Variants in SORCS1 observed in about 807,000 individuals in gnomAD.
SORCS1 encodes the protein VPS10 domain-containing receptor SorCS1.
Under a neutral mutation model 146.1 loss-of-function variants are expected in SORCS1, and 60 were observed. The ratio of observed to expected loss-of-function variants is 0.41; its 90% CI spans 0.33 to 0.51. The LOEUF (loss-of-function observed/expected upper bound fraction) is 0.51. SORCS1 is among the 20% of genes least tolerant of loss of function. The pLI is 0.21. For missense variants in SORCS1, 1,352 were observed against 1,487.6 expected, an observed-to-expected ratio of 0.91 and a Z score of 1.50; for synonymous variants, 637 against 584.0, an observed-to-expected ratio of 1.09 and a Z score of -1.31.
chr10:107,009,508 A>G (rs1179210853), intron 1 of SORCS1, among the ~76,000 whole-genome samples: 1 of 152,250 alleles, frequency 6.6e-6, no homozygotes, highest in Non-Finnish European at 1.5e-5. Context: ...AAAATAGAAT[A>G]TAGTTTTTAG....
At chr10:106,641,982 A>G (rs1262020759) in intron 18 of SORCS1, among the ~76,000 whole-genome samples, 1 of 152,224 alleles carries the variant, frequency 6.6e-6, no homozygotes, top group Non-Finnish European at 1.5e-5. Flanking sequence ...AGTACATGAT[A>G]TAAAATTGGC....
intron 2 of SORCS1, among the ~76,000 whole-genome samples, chr10:106,872,509 A>G (rs747554773): frequency 3.3e-5 from 5 of 152,222 alleles, no homozygotes; most frequent in Non-Finnish European, 7.3e-5. Context: ...TGACTTTACT[A>G]AGGTTTTAAT....
intron 24 of SORCS1, among the ~76,000 whole-genome samples, chr10:106,591,293 A>C (rs1159929981): frequency 6.6e-6 from 1 of 152,174 alleles, no homozygotes; most frequent in East Asian, 1.9e-4. Flanking sequence ...GTTTTCTTTC[A>C]ACTGCCCATT....
chr10:106,897,036 G>A (rs1013356095), intron 2 of SORCS1, among the ~76,000 whole-genome samples: 1 of 151,494 alleles, frequency 6.6e-6, no homozygotes, highest in African/African-American at 2.4e-5. Context: ...GACTACAGGC[G>A]CCTGCCACCG....
At chr10:106,619,324 T>C (rs540617538) in intron 20 of SORCS1, among the ~76,000 whole-genome samples, 1 of 152,290 alleles carries the variant, frequency 6.6e-6, no homozygotes, top group East Asian at 1.9e-4. Flanking sequence ...TTCAGTTTAG[T>C]TATGGTTGCA....
chr10:106,623,885 T>C (rs1188437165), intron 19 of SORCS1, among the ~76,000 whole-genome samples: 1 of 152,036 alleles, frequency 6.6e-6, no homozygotes, highest in South Asian at 2.1e-4. Context: ...ACTTTCACCA[T>C]GTTGGCCAGG....
chr10:107,165,972 G>GT (rs1304804435), upstream of SORCS1, among the ~76,000 whole-genome samples: 2 of 152,184 alleles, frequency 1.3e-5, no homozygotes, highest in African/African-American at 4.8e-5. The surrounding 1 kb of genome is among the most constrained non-coding windows in gnomAD (Gnocchi z 4.0). Context: ...TTTATAGCAG[G>GT]TGAATGGGCT....
chr10:106,591,929 T>G (rs778779305), intron 24 of SORCS1, among the ~76,000 whole-genome samples: 9 of 152,186 alleles, frequency 5.9e-5, no homozygotes, highest in Non-Finnish European at 4.4e-5. Context: ...TACACTTTGG[T>G]CAAGACAGCA....
At chr10:106,588,988 T>A (rs1411698917) in intron 24 of SORCS1, among the ~76,000 whole-genome samples, 1 of 151,928 alleles carries the variant, frequency 6.6e-6, no homozygotes, top group Non-Finnish European at 1.5e-5. Context: ...AATTGCAATG[T>A]AAAGTCACGT....
At chr10:106,865,914 T>C (rs1043449901) in intron 2 of SORCS1, among the ~76,000 whole-genome samples, 1 of 150,526 alleles carries the variant, frequency 6.6e-6, no homozygotes, top group African/African-American at 2.5e-5. Flanking sequence ...GCACCTGTAA[T>C]CCCAGCTACT....
chr10:106,760,639 C>G (rs758240978), intron 5 of SORCS1, among the ~76,000 whole-genome samples: 3 of 151,798 alleles, frequency 2.0e-5, no homozygotes, highest in Non-Finnish European at 4.4e-5. Context: ...TTAAGCCACC[C>G]AGTCTATGGT....
intron 5 of SORCS1, among the ~76,000 whole-genome samples, chr10:106,759,287 A>G (rs112855680): frequency 4.7e-4 from 71 of 152,314 alleles, no homozygotes; most frequent in African/African-American, 1.7e-3. Flanking sequence ...TGCCCTCATT[A>G]CAGGGAGATC....
intron 2 of SORCS1, among the ~76,000 whole-genome samples, chr10:106,872,688 A>G (rs1042015353): frequency 2.6e-5 from 4 of 152,224 alleles, no homozygotes; most frequent in African/African-American, 9.6e-5. Context: ...CTGTGGTTGC[A>G]ATGGTTAGTC....
intron 1 of SORCS1, among the ~76,000 whole-genome samples, chr10:106,992,381 AATACC>A (rs955172220): frequency 3.3e-5 from 5 of 152,220 alleles, no homozygotes; most frequent in Non-Finnish European, 7.3e-5. Context: ...AGAGTAAAAA[AATACC>A]ATACATTTAC....
At chr10:107,168,041 C>A (rs1348707977), upstream of SORCS1, among the ~76,000 whole-genome samples, 1 of 152,130 alleles carries the variant, frequency 6.6e-6, no homozygotes, top group Non-Finnish European at 1.5e-5. Context: ...AGAATAATAT[C>A]CAAACTCCTT....
intron 24 of SORCS1, among the ~76,000 whole-genome samples, chr10:106,583,837 G>T (rs1037215234): frequency 1.3e-5 from 2 of 151,936 alleles, no homozygotes; most frequent in Non-Finnish European, 2.9e-5. Flanking sequence ...CCCTTTGCTC[G>T]GTTTCTTTCC....
chr10:106,882,540 T>C (rs964656397), intron 2 of SORCS1, among the ~76,000 whole-genome samples: 1 of 152,152 alleles, frequency 6.6e-6, no homozygotes, highest in Non-Finnish European at 1.5e-5. Flanking sequence ...CCAATAAAAC[T>C]TTATTTATAA....
At chr10:107,056,963 T>C (rs1960700855) in intron 1 of SORCS1, among the ~76,000 whole-genome samples, 1 of 152,244 alleles carries the variant, frequency 6.6e-6, no homozygotes, top group South Asian at 2.1e-4. Context: ...CCTGGATGGC[T>C]TTCTTGTCAC....
intron 3 of SORCS1, among the ~76,000 whole-genome samples, chr10:106,813,265 T>C (rs1947567187): frequency 6.6e-6 from 1 of 151,264 alleles, no homozygotes; most frequent in Non-Finnish European, 1.5e-5. Flanking sequence ...CCTGAATAGC[T>C]GAAATTACAG....
Sources: gnomAD v4.1 joint callset for allele counts (sites outside exome capture counted in the v4.1 genomes callset) on GRCh38, gnomAD v4.1.1 for gene constraint, Gnocchi (gnomAD v3.1) non-coding constraint, MANE v1.5 for transcripts, NCBI Gene and HGNC (gene_info 2026-07-23, HGNC 2026-07-21) for gene names.